CYREN: variants seen among roughly 807,000 people sequenced by gnomAD.
CYREN encodes the protein cell cycle regulator of non-homologous end joining.
CYREN carries 7 observed loss-of-function variants against 9.7 expected under a neutral mutation model. The ratio of observed to expected loss-of-function variants is 0.72; its 90% CI spans 0.41 to 1.36. The LOEUF (loss-of-function observed/expected upper bound fraction) is 1.36. Ranked by LOEUF, CYREN falls within the 40% of genes most tolerant of loss-of-function variation. The pLI is 0.01. For missense variants in CYREN, 215 were observed against 198.1 expected (o/e 1.09, Z -0.51); for synonymous variants, 76 against 77.9 (o/e 0.98, Z 0.13).
intron 2 of CYREN, among the ~76,000 whole-genome samples, chr7:135,143,421 A>G (rs1255346566): frequency 3.9e-5 from 6 of 152,106 alleles, no homozygotes; most frequent in South Asian, 2.1e-4. Context: ...ATACTGCAAA[A>G]ACAAACAAAC....
intron 2 of CYREN, among the ~76,000 whole-genome samples, chr7:135,119,498 G>T (rs969948780): frequency 2.4e-4 from 37 of 151,732 alleles, no homozygotes; most frequent in Admixed American, 7.2e-4. Flanking sequence ...CCAAAGTGCT[G>T]GGATTACAGG....
intron 2 of CYREN, among the ~76,000 whole-genome samples, chr7:135,110,089 G>A (rs534685091): frequency 6.6e-6 from 1 of 152,232 alleles, no homozygotes; most frequent in Non-Finnish European, 1.5e-5. Context: ...CAAAGATAGT[G>A]GTTCACCCTC....
intron 2 of CYREN, chr7:135,168,048 C>G: frequency 1.7e-6 from 1 of 592,834 alleles, no homozygotes; most frequent in Non-Finnish European, 2.9e-6. Context: ...AACTGCCCTA[C>G]AAGGATCTGG....
chr7:135,099,559 T>TA (rs1025127464), intron 2 of CYREN, among the ~76,000 whole-genome samples: 5 of 152,198 alleles, frequency 3.3e-5, no homozygotes, highest in Non-Finnish European at 5.9e-5. Flanking sequence ...TCTTGGCTTC[T>TA]AAAAAAATAT....
chr7:135,109,446 GA>G (rs1825278847), intron 2 of CYREN, among the ~76,000 whole-genome samples: 1 of 127,062 alleles, frequency 7.9e-6, no homozygotes, highest in South Asian at 2.3e-4. Context: ...GCCTAGTGAA[GA>G]GATACAGGAT....
At chr7:135,153,846 T>C (rs1005778582) in intron 2 of CYREN, among the ~76,000 whole-genome samples, 3 of 152,244 alleles carry the variant, frequency 2.0e-5, no homozygotes, top group African/African-American at 7.2e-5. Flanking sequence ...AGGGTGACCC[T>C]GGCCTCGGAG....
rs1215002814 is a variant in CYREN at position 135,141,581 on chromosome 7, TTTC to T, written n.356+27165_356+27167del. Among the ~76,000 whole-genome samples the T allele has an allele frequency of 1.2e-4, 18 of 152,254 alleles. No homozygotes were observed. In the South Asian group the frequency reaches 3.7e-3, roughly 32 times the overall value. Reference sequence around the variant, plus strand: ...TTCAGCTCTGATTGTGCTTATTTATTTTCTTCTTCTAGCTTTGGGGTCGGTTCA... The same window carrying T: ...TTCAGCTCTGATTGTGCTTATTTATTTTCTTCTAGCTTTGGGGTCGGTTCA... On this transcript the variant is annotated intron_variant and non_coding_transcript_variant, in intron 2 of 2. Transcript: ENST00000459937.
At chr7:135,096,763 G>GAAAC (rs1471344517) in intron 2 of CYREN, among the ~76,000 whole-genome samples, 1 of 144,788 alleles carries the variant, frequency 6.9e-6, no homozygotes, top group Non-Finnish European at 1.5e-5. Flanking sequence ...AAGAAAGAAA[G>GAAAC]AAAGAAAGAA....
chr7:135,102,891 T>C (rs1233199221), intron 2 of CYREN, among the ~76,000 whole-genome samples: 1 of 152,106 alleles, frequency 6.6e-6, no homozygotes, highest in African/African-American at 2.4e-5. Context: ...ATAGTACTCA[T>C]AAACACCAAT....
At chr7:135,137,679 G>A (rs551381628) in intron 2 of CYREN, among the ~76,000 whole-genome samples, 1 of 152,186 alleles carries the variant, frequency 6.6e-6, no homozygotes, top group South Asian at 2.1e-4. Context: ...AGAGAGTGGA[G>A]TGAAACATTT....
At chr7:135,093,997 A>T (rs1822260529) in exon 3 of CYREN, 1 of 171,276 alleles carries the variant, frequency 5.8e-6, no homozygotes, top group Admixed American at 5.8e-5. Context: ...GGATGGGGAA[A>T]AAAAATAGTC....
chr7:135,129,096 G>A lies in CYREN; in HGVS notation n.357-34514C>T, dbSNP rs1439196530. 8.8e-6 allele frequency: 14 copies of A among 1,591,950 alleles called. No individual in the cohort carries two copies. In the South Asian group the frequency reaches 1.5e-4, roughly 18 times the overall value. On this transcript the variant is annotated intron_variant and non_coding_transcript_variant, in intron 2 of 2. Coordinates refer to the CYREN transcript ENST00000459937. ...AAAGTGCCCTTCAGTGGCCACTACT[G>A]GTCAGGTCAAAGAGCTAGTGGAAGC...
At chr7:135,171,902 C>T (rs186910445), upstream of CYREN, among the ~76,000 whole-genome samples, 443 of 152,360 alleles carry the variant, frequency 2.9e-3, 2 homozygotes, top group African/African-American at 0.01. Context: ...AGCAGGCTCC[C>T]GAGAAGGATT....
At position 135,103,015 on chromosome 7, in the gene CYREN, C is replaced by A. The variant is rs563314198; in HGVS notation, n.357-8433G>T. Among the ~76,000 whole-genome samples the A allele has an allele frequency of 2.6e-4, 39 of 152,178 alleles. 3 individuals carry two copies. The South Asian group carries it at 7.0e-3, about 28-fold the overall frequency. ...TGGAAAAAAATTACCAAATGTACAA[C>A]CAATAAAGGCCTTGTTTTATACCTA... On this transcript the variant is annotated intron_variant and non_coding_transcript_variant, in intron 2 of 2. Coordinates refer to the CYREN transcript ENST00000459937.
intron 2 of CYREN, among the ~76,000 whole-genome samples, chr7:135,130,556 CAT>C (rs55979818): frequency 0.48 from 73,345 of 151,386 alleles, 18,096 homozygotes; most frequent in South Asian, 0.65. Flanking sequence ...TCCAGCAACA[CAT>C]GTTTTTATTT....
intron 2 of CYREN, chr7:135,128,825 C>G: frequency 8.7e-7 from 1 of 1,151,536 alleles, no homozygotes; most frequent in East Asian, 2.3e-5. Context: ...GATGAGACAG[C>G]TGTGTGCAGG....
intron 3 of CYREN, 167 bp downstream of exon 3, chr7:135,167,565 T>C (rs1830260158): frequency 1.0e-6 from 1 of 985,102 alleles, no homozygotes; most frequent in Non-Finnish European, 1.2e-6. Flanking sequence ...CACACCCACA[T>C]GGGGAGAGGC....
At chr7:135,164,736 C>T, downstream of CYREN, 2 of 1,614,232 alleles carry the variant, frequency 1.2e-6, no homozygotes, top group Non-Finnish European at 1.7e-6. Context: ...CTTTGCCCCC[C>T]AGCCTCTCCT....
chr7:135,128,835 G>C, intron 2 of CYREN: 1 of 1,168,722 alleles, frequency 8.6e-7, no homozygotes, highest in Non-Finnish European at 1.3e-6. Context: ...CTGTGTGCAG[G>C]ATGTGGAATC....
Sources: gnomAD v4.1 joint callset for allele counts (sites outside exome capture counted in the v4.1 genomes callset) on GRCh38, gnomAD v4.1.1 for gene constraint, MANE v1.5 for transcripts, NCBI Gene and HGNC (gene_info 2026-07-23, HGNC 2026-07-21) for gene names.